Variants in RNGTT observed in about 807,000 individuals in gnomAD.
RNGTT encodes the protein RNA guanylyltransferase and 5'-phosphatase.
In RNGTT, 33 loss-of-function variants were observed where a neutral mutation model predicts 79.3. The observed-to-expected ratio is 0.42, with a 90% confidence interval of 0.32 to 0.56. The LOEUF (loss-of-function observed/expected upper bound fraction) is 0.56, where lower values mean the gene tolerates loss of function less well. Ranked by LOEUF, RNGTT falls within the 20% of genes least tolerant of loss-of-function variation. The probability of loss-of-function intolerance (pLI) is 0.17; values close to 1 mark genes in which losing one functional copy is unlikely to be tolerated. For synonymous variants in RNGTT, 222 were observed against 235.9 expected (o/e 0.94, Z 0.54); for missense variants, 497 against 739.1 (o/e 0.67, Z 3.80).
chr6:88,855,509 A>AG (rs113868726), intron 8 of RNGTT, among the ~76,000 whole-genome samples: 3,124 of 152,040 alleles, frequency 0.021, 117 homozygotes, highest in African/African-American at 0.07. Flanking sequence ...AAAAAAAAAA[A>AG]AAGTGAAAAA....
chr6:88,779,961 G>A (rs1406855008), intron 12 of RNGTT, among the ~76,000 whole-genome samples: 4 of 152,142 alleles, frequency 2.6e-5, no homozygotes, highest in Non-Finnish European at 5.9e-5. Flanking sequence ...ACCACTGCAC[G>A]CCAGCCTGGG....
At chr6:88,737,330 C>T (rs1265650625) in intron 13 of RNGTT, among the ~76,000 whole-genome samples, 2 of 152,126 alleles carry the variant, frequency 1.3e-5, no homozygotes, top group East Asian at 1.9e-4. Context: ...TGTCTCAGGA[C>T]GAATCATACC....
chr6:88,894,385 A>G (rs1273487212), intron 6 of RNGTT, among the ~76,000 whole-genome samples: 1 of 152,318 alleles, frequency 6.6e-6, no homozygotes, highest in East Asian at 1.9e-4. Context: ...GAGAACAATC[A>G]TCCAGGATGT....
Position 88,961,339 on chromosome 6 carries a change from GTA to G in RNGTT, c.64+2005_64+2006del, listed in dbSNP as rs202237169. Among the ~76,000 whole-genome samples, 202 of 151,992 alleles carry G rather than the reference GTA, an allele frequency of 1.3e-3. 1 individual carries two copies. The highest frequency in any genetic ancestry group is 9.4e-3 in the Admixed American group (144 of 15,276). Reference sequence around the variant, plus strand: ...TACGTCTGTATGTGTGTGTGTGTATGTATGTGTGTGTGTGTATATATATATAT... The same window carrying G: ...TACGTCTGTATGTGTGTGTGTGTATGTGTGTGTGTGTGTATATATATATAT... On this transcript the variant is annotated intron_variant, in intron 1 of 15. Coordinates refer to ENST00000369485, the MANE Select transcript of RNGTT (RefSeq NM_003800.5).
At chr6:88,660,292 T>A (rs1268672678) in intron 14 of RNGTT, among the ~76,000 whole-genome samples, 2 of 152,112 alleles carry the variant, frequency 1.3e-5, no homozygotes, top group Admixed American at 1.3e-4. Context: ...AATAGAACAG[T>A]ACCTCACATC....
At chr6:88,930,330 A>G (rs1358976040) in intron 2 of RNGTT, among the ~76,000 whole-genome samples, 2 of 151,480 alleles carry the variant, frequency 1.3e-5, no homozygotes, top group African/African-American at 2.4e-5. Flanking sequence ...TTTTTTGAAA[A>G]GAAACAAGGT....
Position 88,888,163 on chromosome 6 carries a change from G to A in RNGTT, c.896+2332C>T, listed in dbSNP as rs73498474. 2.3e-3 allele frequency among the ~76,000 whole-genome samples: 343 copies of A among 151,818 alleles called. 1 individual carries two copies. Among genetic ancestry groups the A allele is most frequent in the African/African-American group, 8.0e-3 (332 of 41,426 alleles). On this transcript the variant is annotated intron_variant, in intron 8 of 15. Transcript: ENST00000369485. ...TAAATTTCAACAGAAAAAAAAAAGA[G>A]TACCTAAAATATGAAACTCCTAAGA...
At chr6:88,753,146 T>C (rs1289648556) in intron 13 of RNGTT, among the ~76,000 whole-genome samples, 2 of 152,118 alleles carry the variant, frequency 1.3e-5, no homozygotes, top group Non-Finnish European at 2.9e-5. Flanking sequence ...TACACCATAA[T>C]GGAAACATTC....
At chr6:88,919,295 C>A (rs1232961925) in intron 4 of RNGTT, among the ~76,000 whole-genome samples, 3 of 152,204 alleles carry the variant, frequency 2.0e-5, no homozygotes, top group Non-Finnish European at 4.4e-5. Context: ...TATTTCAAGG[C>A]AACTTCTATT....
intron 8 of RNGTT, among the ~76,000 whole-genome samples, chr6:88,871,993 C>G (rs1782373306): frequency 6.6e-6 from 1 of 152,078 alleles, no homozygotes; most frequent in Non-Finnish European, 1.5e-5. Flanking sequence ...TTTTCTTACA[C>G]TGAAGCCTAT....
intron 13 of RNGTT, among the ~76,000 whole-genome samples, chr6:88,746,520 A>G (rs1267271569): frequency 1.3e-5 from 2 of 152,118 alleles, no homozygotes; most frequent in Non-Finnish European, 2.9e-5. Flanking sequence ...TTGGTGGGGG[A>G]ATGCTTTGGG....
chr6:88,901,062 A>T (rs1783438004), intron 6 of RNGTT, among the ~76,000 whole-genome samples: 1 of 151,746 alleles, frequency 6.6e-6, no homozygotes, highest in Non-Finnish European at 1.5e-5. Context: ...GAATCGCTTG[A>T]ACCCGGGAGG....
At chr6:88,807,925 A>G (rs1453895200) in intron 11 of RNGTT, among the ~76,000 whole-genome samples, 1 of 152,208 alleles carries the variant, frequency 6.6e-6, no homozygotes, top group Admixed American at 6.5e-5. Context: ...ATTAATAGAA[A>G]CAATGTCAAT....
chr6:88,638,122 C>T (rs768713018), intron 14 of RNGTT, among the ~76,000 whole-genome samples: 3 of 152,100 alleles, frequency 2.0e-5, no homozygotes, highest in Non-Finnish European at 4.4e-5. Flanking sequence ...TGCCACCTCT[C>T]TCACAATGGA....
intron 11 of RNGTT, among the ~76,000 whole-genome samples, chr6:88,807,012 G>A (rs1364600865): frequency 6.6e-6 from 1 of 152,144 alleles, no homozygotes; most frequent in Non-Finnish European, 1.5e-5. Context: ...AACACTGAAT[G>A]TCCTCACTTA....
intron 11 of RNGTT, among the ~76,000 whole-genome samples, chr6:88,842,813 T>C (rs181791798): frequency 3.7e-4 from 57 of 152,320 alleles, no homozygotes; most frequent in Non-Finnish European, 7.2e-4. Flanking sequence ...GGCTCACACC[T>C]GTAATCCCAG....
At chr6:88,635,626 T>C (rs1773071010) in intron 14 of RNGTT, among the ~76,000 whole-genome samples, 1 of 152,094 alleles carries the variant, frequency 6.6e-6, no homozygotes, top group Non-Finnish European at 1.5e-5. Flanking sequence ...AATTTCCAGA[T>C]ATGTAGATTT....
chr6:88,813,219 G>A (rs956747526), intron 11 of RNGTT, among the ~76,000 whole-genome samples: 5 of 152,154 alleles, frequency 3.3e-5, no homozygotes, highest in East Asian at 1.9e-4. Flanking sequence ...TGCACAGAAC[G>A]AACTTGCCGG....
At chr6:88,961,007 A>C (rs1432428606) in intron 1 of RNGTT, among the ~76,000 whole-genome samples, 1 of 152,166 alleles carries the variant, frequency 6.6e-6, no homozygotes, top group Non-Finnish European at 1.5e-5. Flanking sequence ...AGGGTGTTGC[A>C]AAGGAGATTA....
Sources: gnomAD v4.1 joint callset for allele counts (sites outside exome capture counted in the v4.1 genomes callset) on GRCh38, gnomAD v4.1.1 for gene constraint, MANE v1.5 for transcripts, NCBI Gene and HGNC (gene_info 2026-07-23, HGNC 2026-07-21) for gene names.